Variants in RNGTT observed in about 807,000 individuals in gnomAD.
RNGTT encodes RNA guanylyltransferase and 5'-phosphatase.
Under a neutral mutation model 79.3 loss-of-function variants are expected in RNGTT, and 33 were observed. The observed-to-expected ratio is 0.42, with a 90% CI of 0.32 to 0.56. The LOEUF is 0.56. Ranked by LOEUF, RNGTT falls within the 20% of genes least tolerant of loss-of-function variation. The probability of loss-of-function intolerance (pLI) is 0.17; values close to 1 mark genes in which losing one functional copy is unlikely to be tolerated. For synonymous variants in RNGTT, 222 were observed against 235.9 expected, an observed-to-expected ratio of 0.94 and a Z score of 0.54; for missense variants, 497 against 739.1, an observed-to-expected ratio of 0.67 and a Z score of 3.80.
intron 11 of RNGTT, among the ~76,000 whole-genome samples, chr6:88,821,591 C>T (rs957972658): frequency 2.0e-5 from 3 of 151,538 alleles, no homozygotes; most frequent in African/African-American, 4.8e-5. Flanking sequence ...AAGCAAAATA[C>T]GATTAAGCAA....
intron 11 of RNGTT, among the ~76,000 whole-genome samples, chr6:88,818,743 T>A (rs1007390376): frequency 2.6e-5 from 4 of 152,216 alleles, no homozygotes; most frequent in Non-Finnish European, 4.4e-5. Flanking sequence ...GCAAAAGCCA[T>A]AATCAACAAG....
intron 12 of RNGTT, 120 bp from the exon 13 acceptor site, chr6:88,769,994 A>T: frequency 1.6e-6 from 1 of 638,452 alleles, no homozygotes; most frequent in Non-Finnish European, 2.6e-6. Context: ...ACATAATTTT[A>T]ATCTTCAACC....
At chr6:88,939,792 ACTATCGCCCAGG>A (rs1287271039) in intron 2 of RNGTT, among the ~76,000 whole-genome samples, 1 of 151,014 alleles carries the variant, frequency 6.6e-6, no homozygotes. Flanking sequence ...ACACGGTCAC[ACTATCGCCCAGG>A]CTGCAGTGGG....
chr6:88,761,289 C>T (rs894120649), intron 13 of RNGTT, among the ~76,000 whole-genome samples: 1 of 151,704 alleles, frequency 6.6e-6, no homozygotes, highest in African/African-American at 2.4e-5. Flanking sequence ...CAGGAGTTTG[C>T]GACCAGCCTG....
chr6:88,646,500 C>G (rs1426119888), intron 14 of RNGTT, among the ~76,000 whole-genome samples: 1 of 152,112 alleles, frequency 6.6e-6, no homozygotes. Context: ...TGGGTATATA[C>G]CCAAAGGAAT....
At chr6:88,720,340 AC>A (rs1378149132) in intron 13 of RNGTT, among the ~76,000 whole-genome samples, 1 of 152,094 alleles carries the variant, frequency 6.6e-6, no homozygotes, top group Non-Finnish European at 1.5e-5. Flanking sequence ...TACAATGATA[AC>A]AAATTTCTAT....
chr6:88,851,770 C>A (rs1277285865), intron 9 of RNGTT, among the ~76,000 whole-genome samples: 1 of 151,740 alleles, frequency 6.6e-6, no homozygotes, highest in Non-Finnish European at 1.5e-5. Flanking sequence ...AAACAGGAAA[C>A]TACAGGACTG....
At chr6:88,710,310 T>C (rs1258359103) in intron 13 of RNGTT, among the ~76,000 whole-genome samples, 1 of 152,254 alleles carries the variant, frequency 6.6e-6, no homozygotes, top group Non-Finnish European at 1.5e-5. Flanking sequence ...ATCATACATA[T>C]GTATTTAAAT....
rs1373518268 is a variant in RNGTT at position 88,644,040 on chromosome 6, C to CA, written c.1507-29646dup. Among the ~76,000 whole-genome samples, 3 of 151,818 alleles carry CA rather than the reference C, an allele frequency of 2.0e-5. No homozygotes were observed. In the East Asian group the frequency reaches 5.8e-4, roughly 29 times the overall value. On this transcript the variant is annotated intron_variant, in intron 14 of 15. Transcript: ENST00000369485. ...AAGGAGATAGAGACAAAAAACCCTT[C>CA]AAAAAAATCAATGAATCCAGGAGCT...
chr6:88,652,662 T>A lies in RNGTT; in HGVS notation c.1506+25691A>T, dbSNP rs951092793. ...TGGAGTTTGTTAGTGCTCTTTGGGG[T>A]GGAGGCGGAGAGAGAATTATCAGGA... On this transcript the variant is annotated intron_variant, in intron 14 of 15. Coordinates refer to ENST00000369485, the MANE Select transcript of RNGTT (RefSeq NM_003800.5). Among the ~76,000 whole-genome samples, 53 of 152,080 alleles carry A rather than the reference T, an allele frequency of 3.5e-4. 1 individual carries two copies. The highest frequency in any genetic ancestry group is 1.6e-4 in the Non-Finnish European group (11 of 68,012).
intron 12 of RNGTT, among the ~76,000 whole-genome samples, chr6:88,788,709 G>T: frequency 6.6e-6 from 1 of 152,098 alleles, no homozygotes; most frequent in Admixed American, 6.5e-5. Flanking sequence ...TAGAACATTG[G>T]AGTTTATATT....
chr6:88,795,153 G>T (rs1159427849), intron 12 of RNGTT, among the ~76,000 whole-genome samples: 1 of 152,220 alleles, frequency 6.6e-6, no homozygotes, highest in East Asian at 1.9e-4. Flanking sequence ...TTTGTTTAAA[G>T]AGGTTTAAGA....
chr6:88,715,648 C>A (rs1329483185), intron 13 of RNGTT, among the ~76,000 whole-genome samples: 1 of 152,118 alleles, frequency 6.6e-6, no homozygotes, highest in African/African-American at 2.4e-5. Context: ...ACAGAGCCCT[C>A]AGAAATAATG....
At chr6:88,677,453 CA>C (rs950418502) in intron 14 of RNGTT, among the ~76,000 whole-genome samples, 1 of 151,970 alleles carries the variant, frequency 6.6e-6, no homozygotes, top group Non-Finnish European at 1.5e-5. Context: ...AATTAGATCT[CA>C]AAAAAGCTGT....
At chr6:88,689,555 T>C (rs962786144) in intron 13 of RNGTT, among the ~76,000 whole-genome samples, 5 of 149,680 alleles carry the variant, frequency 3.3e-5, no homozygotes, top group Admixed American at 6.7e-5. Context: ...GATCGCGCCA[T>C]TGCACTCCAG....
chr6:88,769,116 A>T (rs1445804000), intron 13 of RNGTT, among the ~76,000 whole-genome samples: 1 of 152,224 alleles, frequency 6.6e-6, no homozygotes, highest in Non-Finnish European at 1.5e-5. Flanking sequence ...CTCAAAATTT[A>T]GTAAAATTTT....
chr6:88,872,983 C>T (rs1432595290), intron 8 of RNGTT, among the ~76,000 whole-genome samples: 1 of 151,912 alleles, frequency 6.6e-6, no homozygotes, highest in Non-Finnish European at 1.5e-5. Flanking sequence ...ACAACTCATA[C>T]ACACAACACA....
chr6:88,834,603 ATTCTTTC>A (rs1780999147), intron 11 of RNGTT, among the ~76,000 whole-genome samples: 1 of 152,176 alleles, frequency 6.6e-6, no homozygotes. Flanking sequence ...TTATGCAAAA[ATTCTTTC>A]TTCTCTTCAA....
chr6:88,910,842 T>C (rs189342808), intron 4 of RNGTT, among the ~76,000 whole-genome samples: 107 of 152,280 alleles, frequency 7.0e-4, no homozygotes, highest in Non-Finnish European at 1.4e-3. Context: ...ATATTTAGCA[T>C]CCTAGGAGAA....
Sources: gnomAD v4.1 joint callset for allele counts (sites outside exome capture counted in the v4.1 genomes callset) on GRCh38, gnomAD v4.1.1 for gene constraint, MANE v1.5 for transcripts, NCBI Gene and HGNC (gene_info 2026-07-23, HGNC 2026-07-21) for gene names.